RGPD4: variants seen among roughly 807,000 people sequenced by gnomAD.
The protein encoded by RGPD4 is RANBP2 like and GRIP domain containing 4, also known as ranBP2-like and GRIP domain-containing protein 4.
A neutral mutation model predicts 141.1 loss-of-function variants in RGPD4; 84 were observed. That is an observed-to-expected ratio of 0.60 (90% confidence interval 0.50 to 0.71). RGPD4 has a LOEUF of 0.71. Among genes scored for constraint, RGPD4 ranks in the 30% least tolerant of loss-of-function variants. RGPD4 has a pLI of 0.00. For missense variants in RGPD4, 918 were observed against 1,622.4 expected, an observed-to-expected ratio of 0.57 and a Z score of 7.46; for synonymous variants, 298 against 566.8, an observed-to-expected ratio of 0.53 and a Z score of 6.74.
At chr2:107,844,201 T>A (rs895447495) in intron 6 of RGPD4, among the ~76,000 whole-genome samples, 1 of 152,018 alleles carries the variant, frequency 6.6e-6, no homozygotes, top group African/African-American at 2.4e-5. Context: ...GTGATTTACC[T>A]TTTTTCCTAA....
Position 107,861,852 on chromosome 2 carries a change from T to C in RGPD4, c.2205+112T>C. The C allele has an allele frequency of 3.2e-6, 5 of 1,545,564 alleles. No individual in the cohort carries two copies. The South Asian group carries it at 5.7e-5, about 18-fold the overall frequency. ...AAAATACTCAGTAATATGTTGTTAT[T>C]AATGCACAGAAGGGATGTGTGTGTC... On this transcript the variant is annotated intron_variant, in intron 15 of 22. Coordinates refer to ENST00000408999, the MANE Select transcript of RGPD4 (RefSeq NM_182588.3).
intron 6 of RGPD4, among the ~76,000 whole-genome samples, chr2:107,845,933 CT>C (rs558957274): frequency 3.0e-4 from 35 of 115,682 alleles, no homozygotes; most frequent in Admixed American, 2.5e-4. Context: ...TGGTCTCGAT[CT>C]TTTTTTTTTT....
chr2:107,844,823 C>CTTTTTTG (rs1681859902), intron 6 of RGPD4, among the ~76,000 whole-genome samples: 1 of 53,856 alleles, frequency 1.9e-5, no homozygotes, highest in Non-Finnish European at 4.1e-5. Context: ...TTCTTTCTTT[C>CTTTTTTG]TTTTTTGTTT....
rs1457132239 is a variant in RGPD4, at chr2:107,871,741, C to T, written c.3737C>T (p.Thr1246Ile). The T allele has an allele frequency of 5.6e-6, 9 of 1,610,920 alleles. No homozygotes were observed. The South Asian group carries it at 8.8e-5, about 16-fold the overall frequency. The stretch of plus-strand genomic sequence containing the variant: ...CCCAATCCTGAAAACACTGGGCCCA[C>T]ATTAGAATGGGATAACTGTGATTTA... The part of the protein sequence containing the change: ...IKPNPENTGP[T>I]LEWDNCDLRE... Residue 1246 changes from threonine to isoleucine, a missense_variant, in exon 20 of 23, where the codon ACA becomes ATA. By Grantham distance (89) the Thr-to-Ile change is moderately conservative (BLOSUM62 -1). Coordinates refer to ENST00000408999, the MANE Select transcript of RGPD4 (RefSeq NM_182588.3).
intron 22 of RGPD4, among the ~76,000 whole-genome samples, chr2:107,889,612 A>G (rs1390521031): frequency 6.6e-6 from 1 of 151,318 alleles, no homozygotes; most frequent in East Asian, 2.0e-4. Context: ...GTTGCCAAGG[A>G]GTGGGAGAAG....
chr2:107,861,754 T>A lies in RGPD4; in HGVS notation c.2205+14T>A. ...GTGGTCAAGAAAGTAAGTAGCAGGT[T>A]GTTGTATGTACGTTCTTACTGATAA... is the stretch of plus-strand genomic sequence containing the variant. On this transcript the variant is annotated intron_variant, in intron 15 of 22. Coordinates refer to ENST00000408999, the MANE Select transcript of RGPD4 (RefSeq NM_182588.3). 1.3e-6 allele frequency: 2 copies of A among 1,577,872 alleles called. No homozygotes were observed. The highest frequency in any genetic ancestry group is 1.7e-6 in the Non-Finnish European group (2 of 1,161,018).
rs543092253 is a variant in RGPD4, at chr2:107,846,442, A to C, written c.783-1899A>C. Among the ~76,000 whole-genome samples the C allele has an allele frequency of 1.8e-4, 28 of 151,970 alleles. 1 individual carries two copies. The South Asian group carries it at 5.4e-3, about 29-fold the overall frequency. ...AAAAAATGTAATCCATTAAAAATGT[A>C]ATAAGCCCTACTGTGTGTTAATAAT... On this transcript the variant is annotated intron_variant, in intron 6 of 22. Transcript: ENST00000408999.
chr2:107,840,296 A>T (rs1681753901), intron 4 of RGPD4, among the ~76,000 whole-genome samples: 1 of 151,204 alleles, frequency 6.6e-6, no homozygotes, highest in Non-Finnish European at 1.5e-5. Context: ...TCATCATGAA[A>T]TGTGTGACTT....
chr2:107,881,906 C>T (rs1415909587), intron 21 of RGPD4, among the ~76,000 whole-genome samples: 4 of 151,736 alleles, frequency 2.6e-5, no homozygotes, highest in African/African-American at 9.7e-5. Flanking sequence ...GATTAAGTGC[C>T]GTTCACTGTG....
Position 107,890,883 on chromosome 2 carries a change from G to A in RGPD4, c.*152G>A, listed in dbSNP as rs1244106656. ...CCATCATTCTTTTGTCAAAAAGTGT[G>A]TATATGTTTGCATTTACATATATTT... On this transcript the variant is annotated 3_prime_UTR_variant, in exon 23 of 23. Coordinates refer to ENST00000408999, the MANE Select transcript of RGPD4 (RefSeq NM_182588.3). The A allele has an allele frequency of 2.3e-5, 17 of 734,368 alleles. No individual in the cohort carries two copies. Among genetic ancestry groups the A allele is most frequent in the African/African-American group, 3.6e-5 (2 of 55,410 alleles). 45.5% of individuals were successfully genotyped at this position (734,368 alleles called of 1,614,324 possible).
At chr2:107,836,515 A>G in intron 1 of RGPD4, 87 bp from the exon 2 acceptor site, 1 of 1,197,662 alleles carries the variant, frequency 8.3e-7, no homozygotes, top group Non-Finnish European at 1.1e-6. Context: ...ATTTGAACAT[A>G]AACTTAGGGC....
At chr2:107,881,517 C>T (rs540782981) in intron 21 of RGPD4, among the ~76,000 whole-genome samples, 2 of 151,554 alleles carry the variant, frequency 1.3e-5, no homozygotes, top group South Asian at 4.2e-4. Context: ...ATGGTTTCAC[C>T]ATGTTGGCCA....
intron 8 of RGPD4, among the ~76,000 whole-genome samples, chr2:107,855,068 T>TA (rs1336981401): frequency 1.9e-5 from 2 of 104,336 alleles, no homozygotes; most frequent in Non-Finnish European, 3.9e-5. Context: ...GATATATACT[T>TA]ACCTTATATT....
intron 18 of RGPD4, among the ~76,000 whole-genome samples, chr2:107,868,371 T>TAGTA (rs2104482880): frequency 6.8e-6 from 1 of 146,950 alleles, no homozygotes; most frequent in South Asian, 2.2e-4. Context: ...GCTGACTTAC[T>TAGTA]AGTTTATAAA....
At chr2:107,866,978 G>T (rs1261968749) in intron 18 of RGPD4, among the ~76,000 whole-genome samples, 1 of 149,456 alleles carries the variant, frequency 6.7e-6, no homozygotes, top group Non-Finnish European at 1.5e-5. Context: ...TTTACTGTGG[G>T]TTGGCTATGT....
rs1484364760 is a variant in RGPD4 at position 107,871,141 on chromosome 2, A to C, written c.3137A>C (p.Glu1046Ala). 1 of 1,610,862 alleles carries C rather than the reference A, an allele frequency of 6.2e-7. No homozygotes were observed. Among genetic ancestry groups the C allele is most frequent in the East Asian group, 2.2e-5 (1 of 44,854 alleles). ...TTTGAACCAGTAGTTCAAATGCCTG[A>C]AAAAGTAGAACTTGTAATAGGAGAA... ...IHFEPVVQMPEKVELVIGEEG... is the reference protein window; with the variant it reads ...IHFEPVVQMPAKVELVIGEEG... Residue 1046 changes from glutamate to alanine, a missense_variant, in exon 20 of 23, where the codon GAA becomes GCA. Glu to Ala is a moderately radical substitution (Grantham distance 107). Transcript: ENST00000408999.
At chr2:107,854,770 G>T in intron 8 of RGPD4, 127 bp downstream of exon 8, 1 of 1,303,416 alleles carries the variant, frequency 7.7e-7, no homozygotes, top group Non-Finnish European at 1.0e-6. Flanking sequence ...CGCCGTATCA[G>T]TTAAGAGCAA....
Position 107,871,286 on chromosome 2 carries a change from C to T in RGPD4, c.3282C>T (p.Gly1094=). ...AAATTCTCAAAAACGAGGTCAATGG[C>T]AAACCAAGAATGCTGATGCGAAGAG... ...NLKILKNEVN[G]KPRMLMRREQ... The change falls in exon 20 of 23, where the codon GGC becomes GGT. Residue 1094 remains glycine (G), a synonymous_variant. Coordinates refer to ENST00000408999, the MANE Select transcript of RGPD4 (RefSeq NM_182588.3). The T allele has an allele frequency of 6.2e-7, 1 of 1,607,052 alleles. No individual in the cohort carries two copies. Among genetic ancestry groups the T allele is most frequent in the Non-Finnish European group, 8.5e-7 (1 of 1,179,242 alleles).
At chr2:107,852,146 CAGG>C (rs1481809989) in intron 7 of RGPD4, among the ~76,000 whole-genome samples, 3 of 141,126 alleles carry the variant, frequency 2.1e-5, no homozygotes, top group African/African-American at 8.0e-5. Context: ...GAGGCCGAGA[CAGG>C]AGAATTGCTT....
Sources: allele counts gnomAD v4.1 joint callset (sites outside exome capture counted in the v4.1 genomes callset), GRCh38; gene constraint gnomAD v4.1.1; transcripts MANE v1.5; gene names NCBI Gene and HGNC (gene_info 2026-07-23, HGNC 2026-07-21).